Variants in ZBTB5 observed in about 807,000 individuals in gnomAD.
The protein encoded by ZBTB5 is zinc finger and BTB domain-containing protein 5.
In ZBTB5, 15 loss-of-function variants were observed where a neutral mutation model predicts 37.9. The ratio of observed to expected loss-of-function variants is 0.40; its 90% CI spans 0.26 to 0.61. The LOEUF is 0.61. Among genes scored for constraint, ZBTB5 ranks in the 20% least tolerant of loss-of-function variants. ZBTB5 has a pLI of 0.47. For synonymous variants in ZBTB5, 315 were observed against 312.4 expected, an observed-to-expected ratio of 1.01 and a Z score of -0.09; for missense variants, 708 against 856.8, an observed-to-expected ratio of 0.83 and a Z score of 2.17.
At chr9:37,459,120 C>A (rs1447733276) in intron 1 of ZBTB5, among the ~76,000 whole-genome samples, 1 of 152,304 alleles carries the variant, frequency 6.6e-6, no homozygotes, top group African/African-American at 2.4e-5. Context: ...ATCCAGCTGT[C>A]TTCTATTAAA....
chr9:37,464,588 T>A (rs1031367232), intron 1 of ZBTB5, among the ~76,000 whole-genome samples: 2 of 152,234 alleles, frequency 1.3e-5, no homozygotes, highest in African/African-American at 4.8e-5. Context: ...TACATACAAA[T>A]CTGTCCTCCA....
Position 37,440,508 on chromosome 9 carries a change from G to A in ZBTB5, c.*10C>T. 3 of 1,612,076 alleles carry A rather than the reference G, an allele frequency of 1.9e-6. No homozygotes were observed. The highest frequency in any genetic ancestry group is 1.7e-6 in the Non-Finnish European group (2 of 1,178,468). On this transcript the variant is annotated 3_prime_UTR_variant, in exon 2 of 2. Transcript: ENST00000307750. ...AACTGGCCTCAGCGTTGTCTTGTAA[G>A]GACAAACAGCTAGAGCAAAGTGCTG...
intron 1 of ZBTB5, among the ~76,000 whole-genome samples, chr9:37,456,226 CA>C (rs1288367404): frequency 6.6e-6 from 1 of 152,162 alleles, no homozygotes; most frequent in Admixed American, 6.5e-5. Context: ...GCTGGGATTA[CA>C]GCCGTGAGCC....
Position 37,442,267 on chromosome 9 carries a change from AT to A in ZBTB5, c.284del (p.Asn95MetfsTer2). On this transcript the variant is annotated frameshift_variant, in exon 2 of 2. Transcript: ENST00000307750. LOFTEE classifies it high-confidence loss of function. ...AGGCTGCCAATAAGACATCCATTAC[AT>A]TGCTCTCCCCCAGCATGAGGGTGGA... ...YTSTLMLGES[N>X]VMDVLLAASH... 6.2e-7 allele frequency: 1 copy of A among 1,614,186 alleles called. No homozygotes were observed. The highest frequency in any genetic ancestry group is 8.5e-7 in the Non-Finnish European group (1 of 1,180,034).
In ZBTB5 at chr9:37,442,165, G is replaced by C. The variant is rs1212189110; in HGVS notation, c.387C>G (p.Pro129=). 1.2e-5 allele frequency: 19 copies of C among 1,614,044 alleles called. No individual in the cohort carries two copies. The highest frequency in any genetic ancestry group is 3.3e-5 in the Admixed American group (2 of 60,008). Residue 129 remains proline (P), a synonymous_variant, in exon 2 of 2, where the codon CCC becomes CCG. Coordinates refer to ENST00000307750, the MANE Select transcript of ZBTB5 (RefSeq NM_014872.3). ...CGCTCTGCTCCTGAACGCGCTCACT[G>C]GGGGGAGACATGGGCAGCGTCCTTG... ...LTTRTLPMSP[P]SERVQEQSAR...
intron 1 of ZBTB5, among the ~76,000 whole-genome samples, chr9:37,461,736 A>C (rs1824297046): frequency 6.6e-6 from 1 of 152,202 alleles, no homozygotes; most frequent in Non-Finnish European, 1.5e-5. Context: ...CTGTCTCAAA[A>C]AAAAAAGTAA....
At chr9:37,460,696 A>G (rs1221208392) in intron 1 of ZBTB5, among the ~76,000 whole-genome samples, 2 of 150,558 alleles carry the variant, frequency 1.3e-5, no homozygotes, top group East Asian at 2.0e-4. Flanking sequence ...GGAGACCCCC[A>G]CCTCCACAAA....
intron 1 of ZBTB5, among the ~76,000 whole-genome samples, chr9:37,444,599 C>T (rs1334544899): frequency 6.6e-6 from 1 of 152,196 alleles, no homozygotes; most frequent in African/African-American, 2.4e-5. Flanking sequence ...CAAATCCCCA[C>T]ACTAGGCTGA....
chr9:37,442,567 C>G lies in ZBTB5; in HGVS notation c.-4-12G>C, dbSNP rs1564310210. 1.9e-6 allele frequency: 3 copies of G among 1,576,212 alleles called. No homozygotes were observed. Among genetic ancestry groups the G allele is most frequent in the Non-Finnish European group, 2.6e-6 (3 of 1,158,592 alleles). ...GAAAATCCATGATCCTACAGAAAAA[C>G]AAAGAAAGAAAATGTTAAGACCTAG... On this transcript the variant is annotated splice_polypyrimidine_tract_variant and intron_variant, in intron 1 of 1. Coordinates refer to ENST00000307750, the MANE Select transcript of ZBTB5 (RefSeq NM_014872.3).
intron 1 of ZBTB5, among the ~76,000 whole-genome samples, chr9:37,449,694 CA>C (rs60696023): frequency 0.073 from 3,673 of 50,088 alleles, 36 homozygotes; most frequent in African/African-American, 0.11. Flanking sequence ...ATGAGACTCT[CA>C]AAAAAAAAAA....
intron 1 of ZBTB5, among the ~76,000 whole-genome samples, chr9:37,451,555 C>CAA (rs67502719): frequency 5.9e-4 from 43 of 72,690 alleles, no homozygotes; most frequent in African/African-American, 7.5e-4. Context: ...GAGACTATCT[C>CAA]AAAAAAAAAA....
In ZBTB5 at chr9:37,440,840, A is replaced by G; in HGVS notation, c.1712T>C (p.Phe571Ser). 25 of 1,614,196 alleles carry G rather than the reference A, an allele frequency of 1.5e-5. No homozygotes were observed. Among genetic ancestry groups the G allele is most frequent in the Non-Finnish European group, 2.1e-5 (25 of 1,180,032 alleles). Residue 571 changes from phenylalanine to serine, a missense_variant, in exon 2 of 2, where the codon TTT becomes TCT. This residue lies in a region of ZBTB5 where 639 missense variants were observed against 690.5 expected (regional missense o/e 0.93). Coordinates refer to ENST00000307750, the MANE Select transcript of ZBTB5 (RefSeq NM_014872.3). ...AGGCTGGGAAGGATGGCCATTTTCA[A>G]ATGAGGACGTAGCTCCATTCATCAT... ...QLMMNGATSSFENGHPSQPGP... is the reference protein window; with the variant it reads ...QLMMNGATSSSENGHPSQPGP...
intron 1 of ZBTB5, among the ~76,000 whole-genome samples, chr9:37,444,608 G>A (rs531034274): frequency 2.6e-5 from 4 of 152,208 alleles, no homozygotes; most frequent in Non-Finnish European, 5.9e-5. Context: ...ACACTAGGCT[G>A]ACATCAGGAA....
chr9:37,440,217 C>T lies in ZBTB5; in HGVS notation c.*301G>A. Reference sequence around the variant, plus strand: ...AAATTGCTAAAAAATTTTTTTTGCACTTCAATTTTTAAATTTTTAAATGTG... The same window carrying T: ...AAATTGCTAAAAAATTTTTTTTGCATTTCAATTTTTAAATTTTTAAATGTG... On this transcript the variant is annotated 3_prime_UTR_variant, in exon 2 of 2. Coordinates refer to ENST00000307750, the MANE Select transcript of ZBTB5 (RefSeq NM_014872.3). The T allele has an allele frequency of 3.0e-6, 1 of 334,788 alleles. No individual in the cohort carries two copies. The highest frequency in any genetic ancestry group is 5.5e-6 in the Non-Finnish European group (1 of 182,404). The allele number at this position is 334,788 out of a possible 1,614,324, so 20.7% of individuals were successfully genotyped here. A position where few individuals can be genotyped will look rare whatever the true frequency, so the allele number is the denominator to read the frequency against.
intron 1 of ZBTB5, among the ~76,000 whole-genome samples, chr9:37,447,740 C>G (rs1433269600): frequency 6.6e-6 from 1 of 151,610 alleles, no homozygotes; most frequent in Non-Finnish European, 1.5e-5. Flanking sequence ...AGACTGACTT[C>G]ACAAATAAAT....
chr9:37,462,727 T>G (rs1035542235), intron 1 of ZBTB5, among the ~76,000 whole-genome samples: 1 of 151,806 alleles, frequency 6.6e-6, no homozygotes, highest in Non-Finnish European at 1.5e-5. Context: ...CCATGCCGGG[T>G]TAATTTTTGT....
In ZBTB5 at chr9:37,465,254, G is replaced by A. The variant is rs1824371907; in HGVS notation, c.-44C>T. On this transcript the variant is annotated 5_prime_UTR_variant, in exon 1 of 2. Transcript: ENST00000307750. ...GCCCCCCTCCTCCTCGCTGAAGGAG[G>A]CGGTGACCCCTCTCCGATCGGACTC... The A allele has an allele frequency of 6.6e-6, 1 of 152,064 alleles. No homozygotes were observed. The highest frequency in any genetic ancestry group is 2.4e-5 in the African/African-American group (1 of 41,384). The allele number at this position is 152,064 out of a possible 1,614,324, so 9.4% of individuals were successfully genotyped here. A position where few individuals can be genotyped will look rare whatever the true frequency, so the allele number is the denominator to read the frequency against.
At position 37,442,060 on chromosome 9, in the gene ZBTB5, G is replaced by A. The variant is rs757936387; in HGVS notation, c.492C>T (p.Gly164=). 1.8e-5 allele frequency: 29 copies of A among 1,613,890 alleles called. No homozygotes were observed. Among genetic ancestry groups the A allele is most frequent in the African/African-American group, 4.0e-5 (3 of 75,066 alleles). ...VSSALNSSQN[G]EEQPAPMSSS... is the part of the protein sequence containing the mutation. ...AGCTCATGGGGGCTGGCTGCTCCTCGCCATTCTGGCTGGAATTGAGGGCTG... is the reference window on the plus strand; with the variant it reads ...AGCTCATGGGGGCTGGCTGCTCCTCACCATTCTGGCTGGAATTGAGGGCTG... The change falls in exon 2 of 2, where the codon GGC becomes GGT. Residue 164 remains glycine (G), a synonymous_variant. Coordinates refer to ENST00000307750, the MANE Select transcript of ZBTB5 (RefSeq NM_014872.3).
In ZBTB5 at chr9:37,442,309, A is replaced by G. The variant is rs1823900490; in HGVS notation, c.243T>C (p.Ile81=). ...TGAGGGTGGAGGTATACATCATGTC[A>G]ATCAGTGCAGCAAAGGCCTCTGCTG... ...VVTAEAFAAL[I]DMMYTSTLML... Residue 81 remains isoleucine, a synonymous_variant, in exon 2 of 2, where the codon ATT becomes ATC. Transcript: ENST00000307750. The G allele has an allele frequency of 1.9e-6, 3 of 1,614,188 alleles. No individual in the cohort carries two copies. Among genetic ancestry groups the G allele is most frequent in the Admixed American group, 1.7e-5 (1 of 60,028 alleles).
Sources: allele counts gnomAD v4.1 joint callset (sites outside exome capture counted in the v4.1 genomes callset), GRCh38; gene constraint gnomAD v4.1.1; regional missense constraint gnomAD v4.1.1; transcripts MANE v1.5; gene names NCBI Gene and HGNC (gene_info 2026-07-23, HGNC 2026-07-21).